Variants in ARID5B observed in about 807,000 individuals in gnomAD.
The protein encoded by ARID5B is AT-rich interaction domain 5B, also known as AT-rich interactive domain-containing protein 5B.
ARID5B carries 13 observed loss-of-function variants against 97.2 expected under a neutral mutation model. That is an observed-to-expected ratio of 0.13 (90% CI 0.09 to 0.21). The LOEUF (loss-of-function observed/expected upper bound fraction) is 0.21. ARID5B is among the 10% of genes least tolerant of loss of function. The probability of loss-of-function intolerance (pLI) is 1.00; values close to 1 mark genes in which losing one functional copy is unlikely to be tolerated. For missense variants in ARID5B, 1,210 were observed against 1,465.3 expected, an observed-to-expected ratio of 0.83 and a Z score of 2.84; for synonymous variants, 556 against 570.3, an observed-to-expected ratio of 0.97 and a Z score of 0.36.
At chr10:61,943,530 G>T in intron 3 of ARID5B, among the ~76,000 whole-genome samples, 1 of 149,764 alleles carries the variant, frequency 6.7e-6, no homozygotes. Context: ...ACCTTTCTAT[G>T]GATAAAGTAA....
chr10:61,909,224 C>G (rs1431654302), intron 2 of ARID5B, among the ~76,000 whole-genome samples: 1 of 151,684 alleles, frequency 6.6e-6, no homozygotes, highest in Admixed American at 6.6e-5. Flanking sequence ...TCACCTGACC[C>G]TATGCTCCCC....
chr10:62,045,406 C>G (rs143766918), intron 4 of ARID5B, among the ~76,000 whole-genome samples: 2,835 of 151,894 alleles, frequency 0.019, 29 homozygotes, highest in Non-Finnish European at 0.025. Context: ...TTACTCCTCC[C>G]CCCCGAAAGA....
At chr10:61,981,396 C>G (rs958078483) in intron 3 of ARID5B, among the ~76,000 whole-genome samples, 4 of 152,108 alleles carry the variant, frequency 2.6e-5, no homozygotes, top group Admixed American at 1.3e-4. Context: ...ATTCTCCTGC[C>G]TCACCCTCCC....
chr10:61,915,202 C>G (rs17214506), intron 2 of ARID5B, among the ~76,000 whole-genome samples: 41,438 of 152,090 alleles, frequency 0.27, 6,665 homozygotes, highest in Non-Finnish European at 0.36. Flanking sequence ...GTACCTCCAG[C>G]GTGACTTTGT....
At chr10:61,952,497 C>A (rs1203370803) in intron 3 of ARID5B, among the ~76,000 whole-genome samples, 2 of 152,230 alleles carry the variant, frequency 1.3e-5, no homozygotes, top group African/African-American at 4.8e-5. Context: ...TGTTAGCACT[C>A]AGACATCAAA....
intron 3 of ARID5B, among the ~76,000 whole-genome samples, chr10:61,951,697 A>G (rs1838326438): frequency 6.6e-6 from 1 of 152,182 alleles, no homozygotes; most frequent in African/African-American, 2.4e-5. Context: ...AATGTTGCCT[A>G]TTTTCCTCCC....
At chr10:62,026,605 G>C (rs1839424097) in intron 4 of ARID5B, among the ~76,000 whole-genome samples, 2 of 152,078 alleles carry the variant, frequency 1.3e-5, no homozygotes, top group South Asian at 4.1e-4. Context: ...TATTTTACTG[G>C]AACTAATGTA....
intron 9 of ARID5B, among the ~76,000 whole-genome samples, chr10:62,086,627 G>T (rs1840284411): frequency 6.7e-6 from 1 of 149,408 alleles, no homozygotes. Flanking sequence ...CATGAACCTG[G>T]GAGGCAGAGC....
chr10:61,942,571 C>T (rs1418841674), intron 3 of ARID5B, among the ~76,000 whole-genome samples: 2 of 152,156 alleles, frequency 1.3e-5, no homozygotes, highest in Non-Finnish European at 2.9e-5. Context: ...GCAGGTGGAT[C>T]ACCTGAGGTC....
At chr10:62,012,397 A>G (rs10821940) in intron 4 of ARID5B, among the ~76,000 whole-genome samples, 25,458 of 152,094 alleles carry the variant, frequency 0.17, 4,604 homozygotes, top group African/African-American at 0.45. Flanking sequence ...GATGGCACGC[A>G]CCTGTAGTCC....
At chr10:62,025,661 A>G (rs1839410936) in intron 4 of ARID5B, among the ~76,000 whole-genome samples, 1 of 152,210 alleles carries the variant, frequency 6.6e-6, no homozygotes, top group African/African-American at 2.4e-5. Flanking sequence ...CATGCTAAAT[A>G]CAAATCACTC....
At chr10:61,908,799 C>CAA (rs369792859) in intron 2 of ARID5B, among the ~76,000 whole-genome samples, 4,385 of 50,748 alleles carry the variant, frequency 0.086, 421 homozygotes, top group East Asian at 0.16. Flanking sequence ...GACTCCATCT[C>CAA]AAAAAAAAAA....
At chr10:62,065,282 C>T (rs1430116722) in intron 7 of ARID5B, among the ~76,000 whole-genome samples, 2 of 152,138 alleles carry the variant, frequency 1.3e-5, no homozygotes, top group Non-Finnish European at 2.9e-5. Context: ...TTTCATCTTG[C>T]GTTATGGTTA....
chr10:62,027,256 G>GTAGTGAT (rs940234734), intron 4 of ARID5B, among the ~76,000 whole-genome samples: 2 of 122,772 alleles, frequency 1.6e-5, no homozygotes, highest in African/African-American at 3.1e-5. Context: ...AGTCTTCACT[G>GTAGTGAT]TAGTGATGCA....
intron 7 of ARID5B, among the ~76,000 whole-genome samples, chr10:62,062,625 G>A (rs4948498): frequency 0.35 from 53,362 of 151,748 alleles, 10,161 homozygotes; most frequent in East Asian, 0.48. Context: ...ATATTCCTTC[G>A]GCTCAAGAGC....
At chr10:61,918,282 G>A (rs1373220343) in intron 2 of ARID5B, among the ~76,000 whole-genome samples, 4 of 152,244 alleles carry the variant, frequency 2.6e-5, no homozygotes, top group African/African-American at 4.8e-5. Flanking sequence ...GTTAGTAGCT[G>A]TGTGTCATCT....
At chr10:61,963,252 G>T (rs1211409761) in intron 3 of ARID5B, among the ~76,000 whole-genome samples, 1 of 152,110 alleles carries the variant, frequency 6.6e-6, no homozygotes, top group East Asian at 1.9e-4. Context: ...AGTTAAAAAA[G>T]ACAACAGTGA....
intron 4 of ARID5B, among the ~76,000 whole-genome samples, chr10:62,011,247 G>GT (rs1172257867): frequency 6.6e-6 from 1 of 152,110 alleles, no homozygotes; most frequent in African/African-American, 2.4e-5. Flanking sequence ...TTTAACAAGG[G>GT]TATTACACAC....
intron 4 of ARID5B, among the ~76,000 whole-genome samples, chr10:62,038,852 G>A (rs1839598210): frequency 1.3e-5 from 2 of 152,152 alleles, no homozygotes; most frequent in Non-Finnish European, 2.9e-5. Flanking sequence ...GCAATGGAGC[G>A]TTTGCTTTCA....
Sources: allele counts gnomAD v4.1 joint callset (sites outside exome capture counted in the v4.1 genomes callset), GRCh38; gene constraint gnomAD v4.1.1; transcripts MANE v1.5; gene names NCBI Gene and HGNC (gene_info 2026-07-23, HGNC 2026-07-21).